The following ZNF385B variants were observed in gnomAD, a reference collection of about 807,000 sequenced individuals.
The protein encoded by ZNF385B is zinc finger protein 533.
A neutral mutation model predicts 39.2 loss-of-function variants in ZNF385B; 23 were observed. The observed-to-expected ratio is 0.59, with a 90% confidence interval of 0.42 to 0.83. ZNF385B has a LOEUF of 0.83. Among genes scored for constraint, ZNF385B ranks in the 40% least tolerant of loss-of-function variants. The pLI is 0.00. For synonymous variants in ZNF385B, 205 were observed against 222.6 expected, an observed-to-expected ratio of 0.92 and a Z score of 0.70; for missense variants, 552 against 598.9, an observed-to-expected ratio of 0.92 and a Z score of 0.82.
Position 179,629,966 on chromosome 2 carries a change from G to T in ZNF385B, c.299-84997C>A, listed in dbSNP as rs539584711. On this transcript the variant is annotated intron_variant, in intron 3 of 9. Coordinates refer to ENST00000410066, the MANE Select transcript of ZNF385B (RefSeq NM_152520.6). ...GAGGCAGCAGCCTGGCTGGGGGAGG[G>T]GTGTCTGCCATTGCTGAGGCTTGAG... is the stretch of plus-strand genomic sequence containing the variant. 1.3e-4 allele frequency among the ~76,000 whole-genome samples: 20 copies of T among 152,362 alleles called. No individual in the cohort carries two copies. The East Asian group carries it at 3.7e-3, about 28-fold the overall frequency.
intron 3 of ZNF385B, among the ~76,000 whole-genome samples, chr2:179,618,280 T>A (rs2106154437): frequency 6.6e-6 from 1 of 152,328 alleles, no homozygotes. Flanking sequence ...ACCTCTGTAT[T>A]CTTGCCTACT....
chr2:179,501,436 C>G (rs552563761), intron 5 of ZNF385B, among the ~76,000 whole-genome samples: 25 of 152,212 alleles, frequency 1.6e-4, no homozygotes, highest in African/African-American at 5.5e-4. Context: ...CAGTCATTTG[C>G]AACAACATGG....
At chr2:179,602,317 T>C (rs941915713) in intron 3 of ZNF385B, among the ~76,000 whole-genome samples, 1 of 152,190 alleles carries the variant, frequency 6.6e-6, no homozygotes, top group Non-Finnish European at 1.5e-5. Flanking sequence ...GTGCTCAGCC[T>C]CCTGAGTAGC....
chr2:179,527,829 T>C (rs993302327), intron 4 of ZNF385B, among the ~76,000 whole-genome samples: 3 of 152,164 alleles, frequency 2.0e-5, no homozygotes, highest in Admixed American at 6.5e-5. Context: ...GAGCTTGACA[T>C]ACAGTGGAGA....
intron 4 of ZNF385B, among the ~76,000 whole-genome samples, chr2:179,521,507 G>C (rs931914193): frequency 2.6e-5 from 4 of 151,764 alleles, no homozygotes; most frequent in South Asian, 2.1e-4. Context: ...GCCCCTAATA[G>C]TTTTATTCTG....
chr2:179,739,725 AC>A (rs1559148789), intron 3 of ZNF385B, among the ~76,000 whole-genome samples: 1 of 152,072 alleles, frequency 6.6e-6, no homozygotes, highest in East Asian at 1.9e-4. Flanking sequence ...GCTTAATCAA[AC>A]TTTTGGTTAT....
chr2:179,493,649 G>A (rs533450348), intron 5 of ZNF385B, among the ~76,000 whole-genome samples: 9 of 105,114 alleles, frequency 8.6e-5, no homozygotes, highest in Middle Eastern at 5.6e-3. Context: ...ACACATATGC[G>A]TATACATATA....
intron 3 of ZNF385B, among the ~76,000 whole-genome samples, chr2:179,706,444 C>G (rs1177156502): frequency 6.6e-6 from 1 of 152,134 alleles, no homozygotes; most frequent in African/African-American, 2.4e-5. Context: ...GACATGACAA[C>G]TAGGGCATCA....
intron 1 of ZNF385B, 119 bp from the exon 2 acceptor site, chr2:179,770,791 G>A (rs528798678): frequency 5.3e-5 from 8 of 152,138 alleles, no homozygotes; most frequent in Non-Finnish European, 8.8e-5. Flanking sequence ...GTTTAGATAA[G>A]AGTACAGACG....
chr2:179,824,277 G>A (rs1283405546), intron 1 of ZNF385B, among the ~76,000 whole-genome samples: 3 of 152,088 alleles, frequency 2.0e-5, no homozygotes, highest in Non-Finnish European at 2.9e-5. Flanking sequence ...ACCAATGAGA[G>A]CCCTTTTGGA....
chr2:179,590,470 T>A (rs1687462918), intron 3 of ZNF385B, among the ~76,000 whole-genome samples: 1 of 152,218 alleles, frequency 6.6e-6, no homozygotes, highest in African/African-American at 2.4e-5. Context: ...ATTCACTAAT[T>A]TGTGGCTTTA....
chr2:179,727,995 T>C (rs1701128833), intron 3 of ZNF385B, among the ~76,000 whole-genome samples: 1 of 152,142 alleles, frequency 6.6e-6, no homozygotes, highest in Non-Finnish European at 1.5e-5. Context: ...AAGATGTTTC[T>C]GTAGAACATC....
chr2:179,730,790 T>C (rs1482723929), intron 3 of ZNF385B, among the ~76,000 whole-genome samples: 2 of 152,088 alleles, frequency 1.3e-5, no homozygotes, highest in Non-Finnish European at 2.9e-5. Flanking sequence ...AAAATTATTA[T>C]GATACAAAGG....
chr2:179,681,078 C>T (rs1697467454), intron 3 of ZNF385B, among the ~76,000 whole-genome samples: 1 of 118,848 alleles, frequency 8.4e-6, no homozygotes, highest in Non-Finnish European at 1.8e-5. Flanking sequence ...ACTTAAACAA[C>T]TGTTTTTTTT....
chr2:179,488,168 G>A (rs1424185545), intron 5 of ZNF385B, among the ~76,000 whole-genome samples: 4 of 150,428 alleles, frequency 2.7e-5, no homozygotes, highest in Non-Finnish European at 3.0e-5. Flanking sequence ...TTTTTGAGAC[G>A]GAGCCTCACT....
chr2:179,497,689 T>TA (rs974277466), intron 5 of ZNF385B, among the ~76,000 whole-genome samples: 1 of 151,262 alleles, frequency 6.6e-6, no homozygotes, highest in East Asian at 1.9e-4. Flanking sequence ...AGAAAACACA[T>TA]AAAAAAATGG....
At position 179,665,109 on chromosome 2, in the gene ZNF385B, C is replaced by T. The variant is rs190736595; in HGVS notation, c.298+104394G>A. ...GGGCCGTACTGATCCTCTGGTTCCA[C>T]AGGAGTAAGGTGCTAGGCCTGTGCA... On this transcript the variant is annotated intron_variant, in intron 3 of 9. Coordinates refer to ENST00000410066, the MANE Select transcript of ZNF385B (RefSeq NM_152520.6). 3.9e-4 allele frequency among the ~76,000 whole-genome samples: 60 copies of T among 152,282 alleles called. No individual in the cohort carries two copies. The East Asian group carries it at 0.011, about 27-fold the overall frequency.
At chr2:179,759,540 A>T (rs1038127749) in intron 3 of ZNF385B, among the ~76,000 whole-genome samples, 3 of 152,224 alleles carry the variant, frequency 2.0e-5, no homozygotes, top group South Asian at 4.2e-4. Flanking sequence ...CTTCACTCCA[A>T]TAATAAGAAA....
At chr2:179,836,947 C>T (rs1301069710) in intron 1 of ZNF385B, among the ~76,000 whole-genome samples, 1 of 152,166 alleles carries the variant, frequency 6.6e-6, no homozygotes, top group African/African-American at 2.4e-5. Flanking sequence ...CCCCAGTCAC[C>T]AGCCAGAGAA....
Sources: gnomAD v4.1 joint callset for allele counts (sites outside exome capture counted in the v4.1 genomes callset) on GRCh38, gnomAD v4.1.1 for gene constraint, MANE v1.5 for transcripts, NCBI Gene and HGNC (gene_info 2026-07-23, HGNC 2026-07-21) for gene names.